Variants in SLC6A17 observed in about 807,000 individuals in gnomAD.
The protein encoded by SLC6A17 is solute carrier family 6 member 17, also known as sodium-dependent neutral amino acid transporter SLC6A17.
SLC6A17 carries 21 observed loss-of-function variants against 64.5 expected under a neutral mutation model. The ratio of observed to expected loss-of-function variants is 0.33; its 90% CI spans 0.23 to 0.47. The LOEUF (loss-of-function observed/expected upper bound fraction) is 0.47. SLC6A17 is among the 20% of genes least tolerant of loss of function. SLC6A17 has a pLI of 1.00. For synonymous variants in SLC6A17, 372 were observed against 399.5 expected (o/e 0.93, Z 0.82); for missense variants, 682 against 963.2 (o/e 0.71, Z 3.86).
At chr1:110,166,282 GC>G (rs1457580835) in intron 1 of SLC6A17, 1 of 116,850 alleles carries the variant, frequency 8.6e-6, no homozygotes, top group Admixed American at 9.9e-5. Flanking sequence ...TGGCTCAAGA[GC>G]CTTTTTTTTT....
Position 110,167,064 on chromosome 1 carries a change from C to T in SLC6A17, c.135C>T (p.Gly45=), listed in dbSNP as rs201199061. The T allele has an allele frequency of 4.4e-5, 71 of 1,608,684 alleles. No individual in the cohort carries two copies. The highest frequency in any genetic ancestry group is 4.5e-5 in the East Asian group (2 of 44,600). The change falls in exon 2 of 12, where the codon GGC becomes GGT. Residue 45 remains glycine (G), a synonymous_variant. Transcript: ENST00000331565. ...QSVLNVAGEA[G]GKQKAVEEEL... The stretch of plus-strand genomic sequence containing the variant: ...TACTGAATGTGGCTGGTGAGGCAGG[C>T]GGCAAGCAGAAGGCGGTGGAGGAGG...
chr1:110,154,052 T>C (rs112867529), intron 1 of SLC6A17, among the ~76,000 whole-genome samples: 3,476 of 152,314 alleles, frequency 0.023, 141 homozygotes, highest in African/African-American at 0.078. Context: ...CTTTGCATGC[T>C]TTTAGGAGGG....
intron 10 of SLC6A17, 64 bp downstream of exon 10, chr1:110,195,809 A>T: frequency 6.3e-7 from 1 of 1,595,750 alleles, no homozygotes. Flanking sequence ...GACTCCCTGG[A>T]GAGGCAGATC....
chr1:110,179,741 CG>C (rs1656470615), intron 6 of SLC6A17, among the ~76,000 whole-genome samples: 1 of 151,986 alleles, frequency 6.6e-6, no homozygotes, highest in African/African-American at 2.4e-5. Context: ...TTAGTAGAGA[CG>C]GGGTTTCTCC....
intron 1 of SLC6A17, among the ~76,000 whole-genome samples, chr1:110,151,610 A>G (rs2101834222): frequency 6.6e-6 from 1 of 152,274 alleles, no homozygotes; most frequent in East Asian, 1.9e-4. Flanking sequence ...GGATGCTCGC[A>G]GTACTATGGG....
At chr1:110,152,473 A>T (rs1462696302) in intron 1 of SLC6A17, among the ~76,000 whole-genome samples, 3 of 152,188 alleles carry the variant, frequency 2.0e-5, no homozygotes, top group Non-Finnish European at 4.4e-5. Context: ...CGTGAGCAGG[A>T]ATGGCCTGAG....
chr1:110,198,527 A>ACCAGGC lies in SLC6A17; in HGVS notation c.*91_*96dup. 6.6e-7 allele frequency: 1 copy of ACCAGGC among 1,525,864 alleles called. No homozygotes were observed. Among genetic ancestry groups the ACCAGGC allele is most frequent in the African/African-American group, 1.4e-5 (1 of 72,698 alleles). The allele number at this position is 1,525,864 out of a possible 1,614,324, so 94.5% of individuals were successfully genotyped here. On this transcript the variant is annotated 3_prime_UTR_variant, in exon 12 of 12. Transcript: ENST00000331565. The stretch of plus-strand genomic sequence containing the variant: ...GCCTGGCCTCTTTCTTGAGGTGGCC[A>ACCAGGC]CCAGGCCCAGGCCAGGCCCTTTGCC...
At chr1:110,184,881 C>G (rs1358051043) in intron 6 of SLC6A17, among the ~76,000 whole-genome samples, 1 of 152,128 alleles carries the variant, frequency 6.6e-6, no homozygotes, top group East Asian at 1.9e-4. Flanking sequence ...ATGGGTACAT[C>G]TGGAGAAGAA....
At chr1:110,173,909 G>GAAAGA in intron 3 of SLC6A17, 64 bp from the exon 4 acceptor site, 1 of 1,551,340 alleles carries the variant, frequency 6.4e-7, no homozygotes, top group East Asian at 2.4e-5. Context: ...GGCCTCGGGT[G>GAAAGA]GAGCGTGGGG....
intron 2 of SLC6A17, among the ~76,000 whole-genome samples, chr1:110,171,186 T>G (rs970949730): frequency 2.6e-4 from 39 of 152,154 alleles, no homozygotes; most frequent in African/African-American, 9.4e-4. Flanking sequence ...CAGAGGGTGC[T>G]GGGTGACCAT....
chr1:110,195,103 C>T (rs577326854), intron 9 of SLC6A17: 11 of 435,840 alleles, frequency 2.5e-5, no homozygotes, highest in South Asian at 4.3e-5. Flanking sequence ...ACTGGCCTTG[C>T]GCCCTGTTCC....
In SLC6A17 at chr1:110,192,717, C is replaced by T. The variant is rs1195164077; in HGVS notation, c.1299+19C>T. On this transcript the variant is annotated intron_variant, in intron 8 of 11. Coordinates refer to ENST00000331565, the MANE Select transcript of SLC6A17 (RefSeq NM_001010898.4). The surrounding 1 kb of genome is among the most constrained non-coding windows in gnomAD (Gnocchi z 4.3). ...GGACAAGGTGCGGGGACAGGCTGCC[C>T]TTCCCAGGACAGGCAGGAACCCAGA... The T allele has an allele frequency of 6.2e-7, 1 of 1,602,476 alleles. No homozygotes were observed. Among genetic ancestry groups the T allele is most frequent in the South Asian group, 1.1e-5 (1 of 89,602 alleles).
chr1:110,170,922 G>C (rs951518377), intron 2 of SLC6A17, among the ~76,000 whole-genome samples: 1 of 152,138 alleles, frequency 6.6e-6, no homozygotes, highest in African/African-American at 2.4e-5. Flanking sequence ...CCGGCAGATC[G>C]TGAACTGTTC....
intron 6 of SLC6A17, 104 bp downstream of exon 6, chr1:110,176,843 T>C (rs750761348): frequency 7.0e-6 from 7 of 996,224 alleles, no homozygotes; most frequent in Non-Finnish European, 1.1e-5. Flanking sequence ...GAACACCTGC[T>C]ATGTGTTGGG....
intron 10 of SLC6A17, 115 bp downstream of exon 10, chr1:110,195,860 C>T (rs1656952899): frequency 6.9e-7 from 1 of 1,439,324 alleles, no homozygotes. Context: ...CCTTACGGAT[C>T]ATTTAGGGAA....
chr1:110,170,122 T>C lies in SLC6A17; in HGVS notation c.287-1938T>C, dbSNP rs191550475. ...CATCCATAGAAGGTGCCAACCCACT[T>C]TGCAGACACCCTGAAACTCACATCC... On this transcript the variant is annotated intron_variant, in intron 2 of 11. Transcript: ENST00000331565. Among the ~76,000 whole-genome samples, 563 of 152,244 alleles carry C rather than the reference T, an allele frequency of 3.7e-3. 4 individuals carry two copies. Among genetic ancestry groups the C allele is most frequent in the African/African-American group, 0.013 (546 of 41,534 alleles).
chr1:110,158,138 T>C (rs948090072), intron 1 of SLC6A17, among the ~76,000 whole-genome samples: 32 of 152,226 alleles, frequency 2.1e-4, no homozygotes, highest in African/African-American at 7.0e-4. Context: ...AGGGACATTA[T>C]TTGCTCTGTT....
chr1:110,155,314 G>A (rs1231393708), intron 1 of SLC6A17, among the ~76,000 whole-genome samples: 1 of 152,062 alleles, frequency 6.6e-6, no homozygotes, highest in Non-Finnish European at 1.5e-5. Context: ...TCATTTATGG[G>A]CAAATCCAGT....
chr1:110,189,146 C>G (rs146179587), intron 6 of SLC6A17, among the ~76,000 whole-genome samples: 21 of 152,340 alleles, frequency 1.4e-4, no homozygotes, highest in African/African-American at 5.0e-4. Context: ...ACCTGCTACT[C>G]AGAAAGTCTA....
Sources: gnomAD v4.1 joint callset for allele counts (sites outside exome capture counted in the v4.1 genomes callset) on GRCh38, gnomAD v4.1.1 for gene constraint, Gnocchi (gnomAD v3.1) non-coding constraint, MANE v1.5 for transcripts, NCBI Gene and HGNC (gene_info 2026-07-23, HGNC 2026-07-21) for gene names.